The following ACBD6 variants were observed in gnomAD, a reference collection of about 807,000 sequenced individuals.
ACBD6 encodes acyl-CoA-binding domain-containing protein 6.
ACBD6 carries 28 observed loss-of-function variants against 37.2 expected under a neutral mutation model. That is an observed-to-expected ratio of 0.75 (90% CI 0.56 to 1.03). The LOEUF (loss-of-function observed/expected upper bound fraction) is 1.03, where lower values mean the gene tolerates loss of function less well. Among genes scored for constraint, ACBD6 ranks in the 50% least tolerant of loss-of-function variants. The pLI is 0.00. For missense variants in ACBD6, 340 were observed against 337.4 expected (o/e 1.01, Z -0.06); for synonymous variants, 113 against 126.8 (o/e 0.89, Z 0.73).
At chr1:180,394,349 T>TA (rs1282426462) in intron 6 of ACBD6, among the ~76,000 whole-genome samples, 1 of 151,250 alleles carries the variant, frequency 6.6e-6, no homozygotes, top group Non-Finnish European at 1.5e-5. Flanking sequence ...CTCAGCCCCC[T>TA]AAAGTGCTAG....
intron 6 of ACBD6, among the ~76,000 whole-genome samples, chr1:180,339,024 G>A (rs1402562934): frequency 2.0e-5 from 3 of 152,268 alleles, no homozygotes; most frequent in Non-Finnish European, 4.4e-5. Flanking sequence ...TAAAAAGTCA[G>A]GAAACAACAG....
intron 9 of ACBD6, chr1:180,277,702 T>A (rs1303257216): frequency 1.3e-5 from 2 of 152,200 alleles, no homozygotes; most frequent in African/African-American, 4.8e-5. Context: ...CAAATTCCTC[T>A]CAGTCTTTGT....
chr1:180,500,802 G>A lies in ACBD6; in HGVS notation c.222+1243C>T, dbSNP rs1451587045. 2.0e-5 allele frequency among the ~76,000 whole-genome samples: 3 copies of A among 147,346 alleles called. No homozygotes were observed. In the East Asian group the frequency reaches 5.9e-4, roughly 29 times the overall value. ...GCTCAGGAGTTCAAGACCAGCCTGG[G>A]AAATGTGGTGAAACCCAGACCCTCT... On this transcript the variant is annotated intron_variant, in intron 1 of 7. Coordinates refer to ENST00000367595, the MANE Select transcript of ACBD6 (RefSeq NM_032360.4).
At chr1:180,430,286 G>GA (rs751085365) in intron 3 of ACBD6, 24 bp from the exon 4 acceptor site, 7 of 1,581,632 alleles carry the variant, frequency 4.4e-6, no homozygotes, top group East Asian at 2.2e-5. Flanking sequence ...AAAAAAAAGT[G>GA]AAAAAAAGAC....
intron 6 of ACBD6, among the ~76,000 whole-genome samples, chr1:180,335,315 G>A (rs375829897): frequency 2.0e-5 from 3 of 152,036 alleles, no homozygotes; most frequent in African/African-American, 7.3e-5. Flanking sequence ...CTGATCTCTC[G>A]GCAGAAACTC....
intron 10 of ACBD6, chr1:180,274,165 C>A (rs781763077): frequency 4.3e-6 from 7 of 1,614,034 alleles, no homozygotes; most frequent in African/African-American, 2.7e-5. Flanking sequence ...GACAATAAAT[C>A]TCCGTTCTTT....
chr1:180,389,481 T>G lies in ACBD6; in HGVS notation c.663+8035A>C, dbSNP rs372440467. Among the ~76,000 whole-genome samples the G allele has an allele frequency of 5.0e-3, 756 of 152,284 alleles. 2 individuals are homozygous for G. The highest frequency in any genetic ancestry group is 0.037 in the Middle Eastern group (11 of 294). ...AAACATACGTGTGCATGTGTCTTTA[T>G]AGCAGCATGATTTATACTCCTTTGG... On this transcript the variant is annotated intron_variant, in intron 6 of 7. Transcript: ENST00000367595.
At chr1:180,497,654 C>A (rs1248130337) in intron 1 of ACBD6, among the ~76,000 whole-genome samples, 3 of 151,942 alleles carry the variant, frequency 2.0e-5, no homozygotes, top group African/African-American at 7.2e-5. Flanking sequence ...ACATTTCATG[C>A]AAAATAACTA....
chr1:180,374,646 A>G (rs1170072843), intron 6 of ACBD6, among the ~76,000 whole-genome samples: 5 of 151,968 alleles, frequency 3.3e-5, no homozygotes, highest in Non-Finnish European at 7.4e-5. Context: ...GTGACTTAAC[A>G]CATTAGCCCA....
At chr1:180,437,233 A>C (rs1649077395) in intron 3 of ACBD6, among the ~76,000 whole-genome samples, 1 of 152,160 alleles carries the variant, frequency 6.6e-6, no homozygotes, top group Non-Finnish European at 1.5e-5. Flanking sequence ...ACTCAGTTGA[A>C]CCCAAAGAGG....
intron 3 of ACBD6, among the ~76,000 whole-genome samples, chr1:180,466,159 A>C (rs998104074): frequency 6.6e-6 from 1 of 152,214 alleles, no homozygotes; most frequent in Non-Finnish European, 1.5e-5. Flanking sequence ...AATTTTTTAA[A>C]AGAAAAAATA....
At chr1:180,346,321 T>C (rs892659225) in intron 6 of ACBD6, among the ~76,000 whole-genome samples, 1 of 152,180 alleles carries the variant, frequency 6.6e-6, no homozygotes, top group African/African-American at 2.4e-5. Flanking sequence ...AATATATTAA[T>C]AGGTACATAC....
intron 6 of ACBD6, among the ~76,000 whole-genome samples, chr1:180,389,847 T>C (rs2101940111): frequency 6.6e-6 from 1 of 152,122 alleles, no homozygotes; most frequent in African/African-American, 2.4e-5. Context: ...TTTGATGGGG[T>C]TGTTTGTTTT....
intron 6 of ACBD6, 119 bp downstream of exon 6, chr1:180,397,397 T>C (rs921919213): frequency 1.1e-6 from 1 of 899,016 alleles, no homozygotes; most frequent in African/African-American, 1.6e-5. Flanking sequence ...TACACAACAT[T>C]GTGAAATGTA....
chr1:180,433,648 C>T (rs572411031), intron 3 of ACBD6, among the ~76,000 whole-genome samples: 12 of 151,846 alleles, frequency 7.9e-5, no homozygotes, highest in Non-Finnish European at 1.3e-4. Flanking sequence ...TGAGAGAGTG[C>T]GCACAAAAGA....
chr1:180,450,773 A>G (rs190126972), intron 3 of ACBD6, among the ~76,000 whole-genome samples: 1 of 152,180 alleles, frequency 6.6e-6, no homozygotes, highest in East Asian at 1.9e-4. Context: ...CAAAACAAAC[A>G]AACAAAAAAA....
intron 6 of ACBD6, among the ~76,000 whole-genome samples, chr1:180,340,320 C>T (rs1466496016): frequency 6.6e-6 from 1 of 152,090 alleles, no homozygotes; most frequent in East Asian, 1.9e-4. Context: ...AAGGAGTGAT[C>T]AACTGTGCCA....
chr1:180,397,348 G>T (rs10798759), intron 6 of ACBD6, among the ~76,000 whole-genome samples, 168 bp downstream of exon 6: 2 of 151,914 alleles, frequency 1.3e-5, no homozygotes, highest in Non-Finnish European at 2.9e-5. Flanking sequence ...TTTCTTTTGC[G>T]GTGACAACAG....
intron 6 of ACBD6, among the ~76,000 whole-genome samples, chr1:180,352,646 G>A (rs1652462509): frequency 6.6e-6 from 1 of 152,140 alleles, no homozygotes. Flanking sequence ...AACAATACAG[G>A]TAAAGAACAA....
Sources: gnomAD v4.1 joint callset for allele counts (sites outside exome capture counted in the v4.1 genomes callset) on GRCh38, gnomAD v4.1.1 for gene constraint, MANE v1.5 for transcripts, NCBI Gene and HGNC (gene_info 2026-07-23, HGNC 2026-07-21) for gene names.